Variants in HHIPL1 observed in about 807,000 individuals in gnomAD.
The protein encoded by HHIPL1 is HHIP like 1.
HHIPL1 carries 43 observed loss-of-function variants against 61.8 expected under a neutral mutation model. The observed-to-expected ratio is 0.70, with a 90% CI of 0.55 to 0.90. The LOEUF is 0.90. HHIPL1 is among the 40% of genes least tolerant of loss of function. HHIPL1 has a pLI of 0.00. For missense variants in HHIPL1, 1,056 were observed against 1,157.7 expected (o/e 0.91, Z 1.28); for synonymous variants, 482 against 515.8 (o/e 0.93, Z 0.89).
At chr14:99,607,953 A>G in the HHIPL1 span, among the ~76,000 whole-genome samples, 1 of 152,226 alleles carries the variant, frequency 6.6e-6, no homozygotes, top group African/African-American at 2.4e-5. Flanking sequence ...GCATTGTGGT[A>G]AGTACTGCAA....
chr14:99,636,302 G>T, the HHIPL1 span, among the ~76,000 whole-genome samples: 1 of 152,038 alleles, frequency 6.6e-6, no homozygotes, highest in Non-Finnish European at 1.5e-5. Flanking sequence ...ACATGGGTGG[G>T]GGTGGGGCAG....
intron 1 of HHIPL1, among the ~76,000 whole-genome samples, chr14:99,648,575 C>G (rs1054961952): frequency 6.6e-6 from 1 of 152,204 alleles, no homozygotes; most frequent in Admixed American, 6.5e-5. Flanking sequence ...CTGGAGCGCC[C>G]CTGGCGACGG....
At chr14:99,620,556 G>C in the HHIPL1 span, among the ~76,000 whole-genome samples, 3 of 152,376 alleles carry the variant, frequency 2.0e-5, no homozygotes, top group African/African-American at 7.2e-5. Context: ...CCTCCCCGCA[G>C]GGGGGCTAAG....
Position 99,659,631 on chromosome 14 carries a change from G to T in HHIPL1, c.1250G>T (p.Cys417Phe). 2 of 1,552,378 alleles carry T rather than the reference G, an allele frequency of 1.3e-6. No homozygotes were observed. Among genetic ancestry groups the T allele is most frequent in the Non-Finnish European group, 1.7e-6 (2 of 1,153,848 alleles). The change falls in exon 4 of 9, where the codon TGC becomes TTC. Residue 417 changes from cysteine (C) to phenylalanine (F), a missense_variant. Coordinates refer to ENST00000330710, the MANE Select transcript of HHIPL1 (RefSeq NM_001127258.3). ...SSGTGRGRLF[C>F]GDVGQNKFEE... ...GGCACTGGCCGCGGGCGCCTCTTCT[G>T]CGGCGACGTGGGCCAGAACAAGTTC...
chr14:99,631,072 CTTT>C, the HHIPL1 span, among the ~76,000 whole-genome samples: 1 of 146,654 alleles, frequency 6.8e-6, no homozygotes, highest in African/African-American at 2.6e-5. Flanking sequence ...TTCTTTCTTT[CTTT>C]CTTTCTTTCT....
At chr14:99,609,376 A>G in the HHIPL1 span, among the ~76,000 whole-genome samples, 2 of 152,204 alleles carry the variant, frequency 1.3e-5, no homozygotes, top group African/African-American at 2.4e-5. Flanking sequence ...CACCAGGACT[A>G]TCTTCCCATG....
intron 4 of HHIPL1, 93 bp downstream of exon 4, chr14:99,659,849 C>CA: frequency 3.8e-6 from 2 of 530,260 alleles, no homozygotes; most frequent in Admixed American, 5.1e-5. Flanking sequence ...AGACCGCACC[C>CA]CCCCCCCCCC....
chr14:99,664,719 GAGAC>G, intron 6 of HHIPL1, among the ~76,000 whole-genome samples: 1 of 152,260 alleles, frequency 6.6e-6, no homozygotes, highest in Middle Eastern at 3.4e-3. Context: ...CCACACCACA[GAGAC>G]CAGGAAGGTG....
At chr14:99,631,434 T>C in the HHIPL1 span, among the ~76,000 whole-genome samples, 7 of 152,132 alleles carry the variant, frequency 4.6e-5, no homozygotes, top group African/African-American at 1.4e-4. Flanking sequence ...ACATATGAAC[T>C]TGGGGGAGAC....
chr14:99,657,278 T>C, intron 3 of HHIPL1, 135 bp downstream of exon 3: 1 of 1,014,732 alleles, frequency 9.9e-7, no homozygotes, highest in Non-Finnish European at 1.5e-6. Context: ...CAGCTCAGCC[T>C]GCAGCTAGCT....
chr14:99,652,848 G>C lies in HHIPL1; in HGVS notation c.880G>C (p.Ala294Pro). 6.2e-7 allele frequency: 1 copy of C among 1,613,826 alleles called. No homozygotes were observed. Among genetic ancestry groups the C allele is most frequent in the Non-Finnish European group, 8.5e-7 (1 of 1,179,848 alleles). ...EFRVSEDDEN[A>P]VDHSSERIIL... Reference sequence around the variant, plus strand: ...CAGAGTCTCCGAGGATGACGAGAACGCCGTGGACCACAGCTCTGAGAGGTG... The same window carrying C: ...CAGAGTCTCCGAGGATGACGAGAACCCCGTGGACCACAGCTCTGAGAGGTG... The change falls in exon 2 of 9, where the codon GCC becomes CCC. Residue 294 changes from alanine to proline, a missense_variant. Transcript: ENST00000330710.
rs374815884 is a variant in HHIPL1 at position 99,659,606 on chromosome 14, G to A, written c.1225G>A (p.Gly409Ser). The A allele has an allele frequency of 1.4e-5, 21 of 1,549,336 alleles. No homozygotes were observed. In the African/African-American group the frequency reaches 1.8e-4, roughly 13 times the overall value. Residue 409 changes from glycine (G) to serine (S), a missense_variant, in exon 4 of 9, where the codon GGC (glycine) becomes AGC (serine). Gly to Ser is a moderately conservative substitution (Grantham distance 56). Coordinates refer to ENST00000330710, the MANE Select transcript of HHIPL1 (RefSeq NM_001127258.3). ...CTTCGACCGTGGCGACCCCTCCTCG[G>A]GCACTGGCCGCGGGCGCCTCTTCTG... ...CSFDRGDPSS[G>S]TGRGRLFCGD...
At chr14:99,632,694 G>A in the HHIPL1 span, among the ~76,000 whole-genome samples, 8 of 152,276 alleles carry the variant, frequency 5.3e-5, no homozygotes, top group East Asian at 9.7e-4. Context: ...TCCAAGACCT[G>A]CCTCCTGCGC....
At chr14:99,639,731 G>A in the HHIPL1 span, among the ~76,000 whole-genome samples, 9 of 151,612 alleles carry the variant, frequency 5.9e-5, no homozygotes, top group Admixed American at 4.6e-4. Context: ...GTGTGATCTC[G>A]GCTCACTGCA....
rs1173601396 is a variant in HHIPL1 at position 99,660,357 on chromosome 14, G to C, written c.1453G>C (p.Glu485Gln). ...VTGGYVYRGC[E>Q]YPNLNGLYIF... ...AGGGGGCTACGTGTACCGGGGCTGC[G>C]AGTACCCCAACCTGAACGGCCTCTA... The change falls in exon 5 of 9, where the codon GAG (glutamate) becomes CAG (glutamine). Residue 485 changes from glutamate (E) to glutamine (Q), a missense_variant. By Grantham distance (29) the Glu-to-Gln change is conservative (BLOSUM62 2). Coordinates refer to ENST00000330710, the MANE Select transcript of HHIPL1 (RefSeq NM_001127258.3). This position sits in a 1 kb window ranked among gnomAD's most constrained non-coding sequence, Gnocchi z 4.9. The C allele has an allele frequency of 6.2e-7, 1 of 1,614,132 alleles. No homozygotes were observed. Among genetic ancestry groups the C allele is most frequent in the Non-Finnish European group, 8.5e-7 (1 of 1,180,020 alleles).
At chr14:99,612,770 C>T in the HHIPL1 span, among the ~76,000 whole-genome samples, 4 of 152,078 alleles carry the variant, frequency 2.6e-5, no homozygotes, top group African/African-American at 2.4e-5. Flanking sequence ...CAGTGCCTGG[C>T]CCCCGGGTTG....
intron 2 of HHIPL1, among the ~76,000 whole-genome samples, chr14:99,653,081 G>A (rs1470642403): frequency 6.6e-6 from 1 of 152,218 alleles, no homozygotes; most frequent in African/African-American, 2.4e-5. Flanking sequence ...CATCTGGCCT[G>A]TGAGGCCTGA....
At position 99,652,628 on chromosome 14, in the gene HHIPL1, C is replaced by T. The variant is rs749481851; in HGVS notation, c.660C>T (p.Ala220=). 3 of 1,613,458 alleles carry T rather than the reference C, an allele frequency of 1.9e-6. No homozygotes were observed. In the Admixed American group the frequency reaches 5.0e-5, roughly 27 times the overall value. The change falls in exon 2 of 9, where the codon GCC becomes GCT. Residue 220 remains alanine (A), a synonymous_variant. Coordinates refer to ENST00000330710, the MANE Select transcript of HHIPL1 (RefSeq NM_001127258.3). ...CCGAGCAGGTGGGGCTGGTGTGGGC[C>T]TACCTGCCCGACCGCTCGAGGCTGG... ...FVAEQVGLVW[A]YLPDRSRLGK...
chr14:99,654,384 T>G (rs1015046774), intron 2 of HHIPL1, among the ~76,000 whole-genome samples: 1 of 151,908 alleles, frequency 6.6e-6, no homozygotes, highest in Non-Finnish European at 1.5e-5. Context: ...CAGGAGGAGG[T>G]GGAGCCGAGA....
Sources: gnomAD v4.1 joint callset for allele counts (sites outside exome capture counted in the v4.1 genomes callset) on GRCh38, gnomAD v4.1.1 for gene constraint, Gnocchi (gnomAD v3.1) non-coding constraint, MANE v1.5 for transcripts, NCBI Gene and HGNC (gene_info 2026-07-23, HGNC 2026-07-21) for gene names.